The following SPATA22 variants were observed in gnomAD, a reference collection of about 807,000 sequenced individuals.
SPATA22 encodes spermatogenesis associated 22, also known as spermatogenesis-associated protein 22.
In SPATA22, 29 loss-of-function variants were observed where a neutral mutation model predicts 47.8. The observed-to-expected ratio is 0.61, with a 90% CI of 0.45 to 0.83. The LOEUF (loss-of-function observed/expected upper bound fraction) is 0.83, where lower values mean the gene tolerates loss of function less well. Among genes scored for constraint, SPATA22 ranks in the 40% least tolerant of loss-of-function variants. The pLI, the probability that SPATA22 is intolerant of heterozygous loss-of-function variation, is 0.00. For synonymous variants in SPATA22, 133 were observed against 140.9 expected (o/e 0.94, Z 0.40); for missense variants, 410 against 421.7 (o/e 0.97, Z 0.24).
At chr17:3,489,765 G>A (rs2073791244) in intron 1 of SPATA22, among the ~76,000 whole-genome samples, 1 of 152,178 alleles carries the variant, frequency 6.6e-6, no homozygotes, top group Non-Finnish European at 1.5e-5. Context: ...GAACATATAA[G>A]TGAACATATA....
rs1329344713 is a variant in SPATA22, at chr17:3,448,980, A to G, written c.499T>C (p.Ser167Pro). 8 of 1,614,004 alleles carry G rather than the reference A, an allele frequency of 5.0e-6. No homozygotes were observed. The highest frequency in any genetic ancestry group is 2.2e-5 in the East Asian group (1 of 44,848). The part of the protein sequence containing the change: ...QLRIPEPPNL[S>P]RNKETELLRQ... Reference sequence around the variant, plus strand: ...AGTAGCTCGGTTTCTTTGTTGCGAGATAAGTTAGGAGGTTCAGGTATTCTT... The same window carrying G: ...AGTAGCTCGGTTTCTTTGTTGCGAGGTAAGTTAGGAGGTTCAGGTATTCTT... Residue 167 changes from serine to proline, a missense_variant, in exon 6 of 9, where the codon TCT becomes CCT. Ser to Pro is a moderately conservative substitution (Grantham distance 74). Coordinates refer to ENST00000572969, the MANE Select transcript of SPATA22 (RefSeq NM_001170698.2).
chr17:3,457,100 T>C (rs2150714388), intron 5 of SPATA22, among the ~76,000 whole-genome samples: 1 of 152,282 alleles, frequency 6.6e-6, no homozygotes, highest in South Asian at 2.1e-4. Flanking sequence ...TCATACTGAA[T>C]GGGCAAAAAC....
At chr17:3,443,509 T>C (rs1487058313) in intron 7 of SPATA22, among the ~76,000 whole-genome samples, 1 of 151,974 alleles carries the variant, frequency 6.6e-6, no homozygotes, top group Non-Finnish European at 1.5e-5. Context: ...GCTCATACAA[T>C]TGACAATAAA....
intron 1 of SPATA22, chr17:3,510,448 GT>G (rs1441887821): frequency 6.6e-6 from 1 of 152,134 alleles, no homozygotes; most frequent in Admixed American, 6.6e-5. Context: ...ACACTCTAGG[GT>G]TTCTAGTCAA....
intron 1 of SPATA22, chr17:3,500,088 C>T (rs1384810714): frequency 6.6e-6 from 1 of 152,126 alleles, no homozygotes; most frequent in African/African-American, 2.4e-5. Flanking sequence ...CAAAGCATGA[C>T]CCACAGCAAG....
intron 1 of SPATA22, chr17:3,502,107 C>T (rs1248074285): frequency 1.3e-5 from 2 of 152,242 alleles, no homozygotes; most frequent in Non-Finnish European, 2.9e-5. Context: ...CATCCCAACC[C>T]TCAGTGCCCA....
At chr17:3,465,261 A>C (rs868575241) in intron 3 of SPATA22, among the ~76,000 whole-genome samples, 1 of 102,992 alleles carries the variant, frequency 9.7e-6, no homozygotes, top group Admixed American at 9.2e-5. Flanking sequence ...CCCGGCCACC[A>C]CCCCGTCTGG....
chr17:3,482,074 G>A (rs1015075157), intron 1 of SPATA22, among the ~76,000 whole-genome samples: 1 of 152,116 alleles, frequency 6.6e-6, no homozygotes, highest in Non-Finnish European at 1.5e-5. Flanking sequence ...AAAATTACAC[G>A]TTTTATCCAG....
chr17:3,501,344 T>G (rs1227995518), intron 1 of SPATA22: 1 of 152,100 alleles, frequency 6.6e-6, no homozygotes, highest in African/African-American at 2.4e-5. Context: ...AACAGGAGTT[T>G]GGAAAAAGTG....
chr17:3,481,296 G>A (rs74915855), intron 1 of SPATA22, among the ~76,000 whole-genome samples: 5,610 of 152,190 alleles, frequency 0.037, 160 homozygotes, highest in East Asian at 0.11. Context: ...TTAAATTAAT[G>A]GATATGTTGC....
At chr17:3,496,171 T>C (rs1597447423) in intron 1 of SPATA22, among the ~76,000 whole-genome samples, 7 of 152,276 alleles carry the variant, frequency 4.6e-5, no homozygotes, top group Admixed American at 2.6e-4. Context: ...GAGGGATTGA[T>C]TGGTTAATTC....
At chr17:3,486,946 A>G (rs907283356) in intron 1 of SPATA22, among the ~76,000 whole-genome samples, 1 of 152,196 alleles carries the variant, frequency 6.6e-6, no homozygotes, top group Non-Finnish European at 1.5e-5. Context: ...TTGAATGAAT[A>G]ATAATTACAC....
rs1009203347 is a variant in SPATA22, at chr17:3,486,649, C to G, written c.-73-17251G>C. Among the ~76,000 whole-genome samples, 6 of 152,298 alleles carry G rather than the reference C, an allele frequency of 3.9e-5. 1 individual carries two copies. In the South Asian group the frequency reaches 1.2e-3, roughly 32 times the overall value. On this transcript the variant is annotated intron_variant, in intron 1 of 8. Transcript: ENST00000541913. ...CATAATTAATTATCTGCAGACTACA[C>G]TACAATTAAAATTACAACTTAAAAT...
chr17:3,458,286 C>T (rs1025914566), intron 5 of SPATA22, among the ~76,000 whole-genome samples: 1 of 152,018 alleles, frequency 6.6e-6, no homozygotes, highest in Non-Finnish European at 1.5e-5. Flanking sequence ...TCAATTCACA[C>T]TTGTTAGGAT....
chr17:3,490,935 C>T lies in SPATA22; in HGVS notation c.-73-21537G>A, dbSNP rs2150755131. 6.6e-6 allele frequency among the ~76,000 whole-genome samples: 1 copy of T among 152,236 alleles called. No homozygotes were observed. The highest frequency in any genetic ancestry group is 3.4e-3 in the Middle Eastern group (1 of 294). On this transcript the variant is annotated intron_variant, in intron 1 of 8. Transcript: ENST00000541913. The surrounding 1 kb of genome is among the most constrained non-coding windows in gnomAD (Gnocchi z 4.6). ...CATTTAAGCAAAGGATTCGGCAAAT[C>T]AAAAATTGTCAACCACGATTAATTT...
upstream of SPATA22, among the ~76,000 whole-genome samples, chr17:3,476,748 G>A (rs1389962796): frequency 1.3e-5 from 2 of 152,172 alleles, no homozygotes; most frequent in African/African-American, 4.8e-5. Context: ...TGGCCACTAT[G>A]CTTGCATATA....
chr17:3,475,208 T>TG (rs1172215127), upstream of SPATA22, among the ~76,000 whole-genome samples: 1 of 152,176 alleles, frequency 6.6e-6, no homozygotes, highest in Non-Finnish European at 1.5e-5. Context: ...TCCAAAGGGA[T>TG]GTAATCATCT....
intron 8 of SPATA22, among the ~76,000 whole-genome samples, chr17:3,442,499 T>A (rs1329197187): frequency 6.6e-6 from 1 of 151,968 alleles, no homozygotes; most frequent in African/African-American, 2.4e-5. Flanking sequence ...TCAATGTGTG[T>A]AGGTCTATAG....
At chr17:3,457,510 CT>C (rs71379503) in intron 5 of SPATA22, among the ~76,000 whole-genome samples, 35,553 of 151,964 alleles carry the variant, frequency 0.23, 4,418 homozygotes, top group East Asian at 0.42. Flanking sequence ...CCACAAAAGA[CT>C]CTGAATAGCC....
Sources: gnomAD v4.1 joint callset for allele counts (sites outside exome capture counted in the v4.1 genomes callset) on GRCh38, gnomAD v4.1.1 for gene constraint, Gnocchi (gnomAD v3.1) non-coding constraint, MANE v1.5 for transcripts, NCBI Gene and HGNC (gene_info 2026-07-23, HGNC 2026-07-21) for gene names.